NR6A1: variants seen among roughly 807,000 people sequenced by gnomAD.
NR6A1 encodes the protein nuclear receptor subfamily 6 group A member 1, also known as retinoic acid receptor-related testis-associated receptor.
In NR6A1, 7 loss-of-function variants were observed where a neutral mutation model predicts 59.1. The ratio of observed to expected loss-of-function variants is 0.12; its 90% CI spans 0.07 to 0.22. The LOEUF is 0.22. NR6A1 is among the 10% of genes least tolerant of loss of function. The probability of loss-of-function intolerance (pLI) is 1.00; values close to 1 mark genes in which losing one functional copy is unlikely to be tolerated. For synonymous variants in NR6A1, 243 were observed against 236.1 expected (o/e 1.03, Z -0.27); for missense variants, 468 against 611.6 (o/e 0.77, Z 2.48).
chr9:124,698,617 T>G (rs1261560000), intron 2 of NR6A1: 2 of 150,866 alleles, frequency 1.3e-5, no homozygotes, highest in South Asian at 2.1e-4. Context: ...ATAATAAATG[T>G]TTTTTTTAAT....
At position 124,537,523 on chromosome 9, in the gene NR6A1, A is replaced by G. The variant is rs1371527790; in HGVS notation, c.824+569T>C. Among the ~76,000 whole-genome samples the G allele has an allele frequency of 2.6e-5, 4 of 152,194 alleles. No individual in the cohort carries two copies. In the East Asian group the frequency reaches 7.7e-4, roughly 29 times the overall value. ...GAGGTCTAAGCTTGATAACACTCAA[A>G]TCGTTTATGCTCTAGGCCAAAGGAG... is the stretch of plus-strand genomic sequence containing the variant. On this transcript the variant is annotated intron_variant, in intron 6 of 9. Coordinates refer to ENST00000487099, the MANE Select transcript of NR6A1 (RefSeq NM_033334.4).
chr9:124,633,093 C>T (rs1836493135), intron 2 of NR6A1, among the ~76,000 whole-genome samples: 1 of 152,074 alleles, frequency 6.6e-6, no homozygotes, highest in South Asian at 2.1e-4. Context: ...GGATGCAGTG[C>T]CCCTAAAAAG....
chr9:124,757,766 A>C (rs1840674978), intron 1 of NR6A1, among the ~76,000 whole-genome samples: 1 of 152,182 alleles, frequency 6.6e-6, no homozygotes, highest in Non-Finnish European at 1.5e-5. Flanking sequence ...TGTGTTTCCC[A>C]GGGTATGTTC....
chr9:124,693,663 C>A, intron 2 of NR6A1: 1 of 529,560 alleles, frequency 1.9e-6, no homozygotes, highest in South Asian at 1.4e-5. Context: ...AAAGAAGAGC[C>A]AGGAGTCAGC....
chr9:124,530,256 G>A (rs531524123), intron 7 of NR6A1, among the ~76,000 whole-genome samples: 33 of 152,234 alleles, frequency 2.2e-4, no homozygotes, highest in African/African-American at 6.7e-4. Flanking sequence ...GGCAGCCACC[G>A]TGGACCCCCA....
chr9:124,748,311 G>C (rs1382806033), intron 1 of NR6A1, among the ~76,000 whole-genome samples: 3 of 152,104 alleles, frequency 2.0e-5, no homozygotes, highest in African/African-American at 7.2e-5. Context: ...AGTTGCAGTT[G>C]TGTATAATAG....
intron 2 of NR6A1, among the ~76,000 whole-genome samples, chr9:124,640,187 G>A (rs1354131088): frequency 1.3e-5 from 2 of 152,170 alleles, no homozygotes; most frequent in African/African-American, 2.4e-5. Flanking sequence ...TCAGCCAGTT[G>A]CAAACTAGGT....
chr9:124,725,149 A>T (rs2131106224), intron 2 of NR6A1, among the ~76,000 whole-genome samples: 1 of 152,268 alleles, frequency 6.6e-6, no homozygotes, highest in Admixed American at 6.5e-5. Flanking sequence ...GGTTATTTGG[A>T]AACAGAAGCA....
At chr9:124,729,141 A>T (rs1839813265) in intron 2 of NR6A1, among the ~76,000 whole-genome samples, 2 of 152,202 alleles carry the variant, frequency 1.3e-5, no homozygotes, top group South Asian at 4.1e-4. Flanking sequence ...GATGGATCGT[A>T]TCATAAAAAT....
At chr9:124,713,109 A>G (rs2131076075) in intron 2 of NR6A1, among the ~76,000 whole-genome samples, 1 of 152,308 alleles carries the variant, frequency 6.6e-6, no homozygotes, top group East Asian at 1.9e-4. Flanking sequence ...CTAAACCCTC[A>G]TATATATGGT....
chr9:124,651,360 C>T (rs1482614781), intron 2 of NR6A1, among the ~76,000 whole-genome samples: 2 of 152,194 alleles, frequency 1.3e-5, no homozygotes, highest in Non-Finnish European at 2.9e-5. Context: ...CGCCCAGCCA[C>T]TGGCTCTGTC....
intron 3 of NR6A1, among the ~76,000 whole-genome samples, chr9:124,551,690 T>TA (rs775334623): frequency 3.0e-4 from 46 of 152,372 alleles, no homozygotes; most frequent in Middle Eastern, 3.4e-3. Context: ...TCATTTGTCA[T>TA]AGTGTGCATT....
intron 2 of NR6A1, among the ~76,000 whole-genome samples, chr9:124,681,539 G>C (rs752680665): frequency 4.6e-5 from 7 of 151,788 alleles, no homozygotes; most frequent in Admixed American, 4.6e-4. Context: ...ATAGGTTTTC[G>C]TTATGTTGGT....
chr9:124,679,357 C>T (rs772474170), intron 2 of NR6A1, among the ~76,000 whole-genome samples: 64 of 152,166 alleles, frequency 4.2e-4, no homozygotes, highest in Non-Finnish European at 2.8e-4. Flanking sequence ...AAACTGACTA[C>T]TTCCTATGTT....
At chr9:124,680,096 G>A (rs866020612) in intron 2 of NR6A1, among the ~76,000 whole-genome samples, 4,236 of 143,444 alleles carry the variant, frequency 0.03, 193 homozygotes, top group African/African-American at 0.11. Flanking sequence ...ATGTATGTGT[G>A]TGTGTGTGTG....
intron 2 of NR6A1, among the ~76,000 whole-genome samples, chr9:124,672,674 G>T (rs1837832260): frequency 6.6e-6 from 1 of 152,084 alleles, no homozygotes; most frequent in African/African-American, 2.4e-5. Flanking sequence ...GGTTTCAAAG[G>T]TTTGTATCAA....
At chr9:124,641,473 A>T (rs939404062) in intron 2 of NR6A1, among the ~76,000 whole-genome samples, 9 of 152,176 alleles carry the variant, frequency 5.9e-5, no homozygotes, top group African/African-American at 2.2e-4. Context: ...AGGCCAAGGC[A>T]GGAAGACTGC....
intron 2 of NR6A1, among the ~76,000 whole-genome samples, chr9:124,555,979 G>T (rs1438346870): frequency 6.6e-6 from 1 of 152,178 alleles, no homozygotes; most frequent in Non-Finnish European, 1.5e-5. Flanking sequence ...TATACAGGAG[G>T]GATGCAGAGA....
chr9:124,741,491 T>C (rs888274716), intron 1 of NR6A1, among the ~76,000 whole-genome samples: 1 of 152,238 alleles, frequency 6.6e-6, no homozygotes, highest in African/African-American at 2.4e-5. Context: ...AGAGAATTAA[T>C]AGTCTCTAGG....
Sources: gnomAD v4.1 joint callset for allele counts (sites outside exome capture counted in the v4.1 genomes callset) on GRCh38, gnomAD v4.1.1 for gene constraint, MANE v1.5 for transcripts, NCBI Gene and HGNC (gene_info 2026-07-23, HGNC 2026-07-21) for gene names.